Variants in GLYATL2 observed in about 807,000 individuals in gnomAD.
GLYATL2 encodes the protein glycine-N-acyltransferase like 2, also known as glycine N-acyltransferase-like protein 2.
In GLYATL2, 25 loss-of-function variants were observed where a neutral mutation model predicts 21.4. The observed-to-expected ratio is 1.17, with a 90% CI of 0.85 to 1.63. GLYATL2 has a LOEUF of 1.63. Ranked by LOEUF, GLYATL2 falls within the 40% of genes most tolerant of loss-of-function variation. GLYATL2 has a pLI of 0.00. For synonymous variants in GLYATL2, 114 were observed against 118.2 expected, an observed-to-expected ratio of 0.96 and a Z score of 0.23; for missense variants, 361 against 343.3, an observed-to-expected ratio of 1.05 and a Z score of -0.41.
chr11:58,871,060 A>G (rs1854109399), intron 1 of GLYATL2, among the ~76,000 whole-genome samples: 2 of 152,230 alleles, frequency 1.3e-5, no homozygotes, highest in South Asian at 4.1e-4. Context: ...TTTACCATCA[A>G]CTAAGTTGAG....
In GLYATL2 at chr11:58,863,140, G is replaced by A. The variant is rs1171671900; in HGVS notation, n.61-24772C>T. ...CACTGGGTGGATATTATGCATATGT[G>A]GGGATGAACATAAAACCAATGTCTA... On this transcript the variant is annotated intron_variant and non_coding_transcript_variant, in intron 1 of 4. Transcript: ENST00000533636. Among the ~76,000 whole-genome samples, 9 of 137,902 alleles carry A rather than the reference G, an allele frequency of 6.5e-5. No individual in the cohort carries two copies. In the Middle Eastern group the frequency reaches 0.024, roughly 362 times the overall value. 90.5% of individuals were successfully genotyped at this position (137,902 alleles called of 152,430 possible).
chr11:58,848,440 AAAGAAACTTAAGATAACACAGAG>A (rs1283494279), upstream of GLYATL2, among the ~76,000 whole-genome samples: 1 of 152,214 alleles, frequency 6.6e-6, no homozygotes, highest in Admixed American at 6.5e-5. Context: ...GAGGAAACTC[AAAGAAACTTAAGATAACACAGAG>A]AAGAAATGCA....
At chr11:58,848,866 C>A, upstream of GLYATL2, among the ~76,000 whole-genome samples, 1 of 152,048 alleles carries the variant, frequency 6.6e-6, no homozygotes, top group Non-Finnish European at 1.5e-5. Context: ...TTGTAGAACA[C>A]CAAGCAGATT....
intron 3 of GLYATL2, 29 bp from the exon 4 acceptor site, chr11:58,837,426 C>T: frequency 6.3e-7 from 1 of 1,597,778 alleles, no homozygotes; most frequent in South Asian, 1.1e-5. Context: ...ATTATATTTA[C>T]ATAGCGCTAC....
intron 1 of GLYATL2, among the ~76,000 whole-genome samples, chr11:58,893,667 G>A (rs1343743930): frequency 1.3e-5 from 2 of 152,156 alleles, no homozygotes; most frequent in Non-Finnish European, 2.9e-5. Context: ...AGGGGATATA[G>A]TCTTTGAATA....
At chr11:58,901,695 C>T (rs1214646107) in intron 1 of GLYATL2, among the ~76,000 whole-genome samples, 3 of 152,018 alleles carry the variant, frequency 2.0e-5, no homozygotes, top group African/African-American at 7.3e-5. Context: ...CCCAACTAGT[C>T]CTGTGACCTC....
Position 58,837,300 on chromosome 11 carries a change from A to G in GLYATL2, c.284T>C (p.Ile95Thr). 1.2e-6 allele frequency: 2 copies of G among 1,613,970 alleles called. No homozygotes were observed. The highest frequency in any genetic ancestry group is 1.7e-6 in the Non-Finnish European group (2 of 1,179,850). The change falls in exon 4 of 6, where the codon ATC becomes ACC. Residue 95 changes from isoleucine to threonine, a missense_variant. Coordinates refer to ENST00000287275, the MANE Select transcript of GLYATL2 (RefSeq NM_145016.4). ...LEEVLSYSNV[I>T]SWEQTLQIQG... ...GATCTGCAAAGTTTGCTCCCAGCTG[A>G]TTACATTGGAGTATGACAGGACTTC... is the stretch of plus-strand genomic sequence containing the variant.
intron 1 of GLYATL2, among the ~76,000 whole-genome samples, chr11:58,844,054 A>G (rs1853599420): frequency 6.6e-6 from 1 of 152,234 alleles, no homozygotes; most frequent in Non-Finnish European, 1.5e-5. Context: ...TTCTATGCAA[A>G]TAAACCACTA....
intron 1 of GLYATL2, among the ~76,000 whole-genome samples, chr11:58,871,935 T>C (rs1028279614): frequency 1.3e-5 from 2 of 152,214 alleles, no homozygotes; most frequent in Non-Finnish European, 2.9e-5. Flanking sequence ...CCACATCCTC[T>C]CCAGCACCTG....
chr11:58,901,150 A>G (rs1202960680), intron 1 of GLYATL2, among the ~76,000 whole-genome samples: 1 of 152,210 alleles, frequency 6.6e-6, no homozygotes, highest in Non-Finnish European at 1.5e-5. Context: ...CAAGTAAAAA[A>G]GCACCGCTGA....
chr11:58,905,357 G>A (rs888162924), upstream of GLYATL2: 16 of 421,268 alleles, frequency 3.8e-5, 1 homozygote, highest in African/African-American at 3.1e-4. Context: ...CATCATCAGG[G>A]TGGAGCTCTC....
In GLYATL2 at chr11:58,850,691, C is replaced by T. The variant is rs554803662; in HGVS notation, n.61-12323G>A. Among the ~76,000 whole-genome samples the T allele has an allele frequency of 1.3e-4, 20 of 151,808 alleles. No homozygotes were observed. In the South Asian group the frequency reaches 1.7e-3, roughly 13 times the overall value. On this transcript the variant is annotated intron_variant and non_coding_transcript_variant, in intron 1 of 4. Coordinates refer to the GLYATL2 transcript ENST00000533636. The stretch of plus-strand genomic sequence containing the variant: ...CCATTACCAAGTGGACATGGTCTAG[C>T]GGTAGCATCAGTGCCAAGGAAAAGC...
At chr11:58,862,058 AAC>A (rs1853941233) in intron 1 of GLYATL2, among the ~76,000 whole-genome samples, 1 of 2,524 alleles carries the variant, frequency 4.0e-4, no homozygotes, top group African/African-American at 4.2e-4. Flanking sequence ...CAAACAAACA[AAC>A]AAAAAAAAAC....
chr11:58,834,369 T>A lies in GLYATL2; in HGVS notation c.*60A>T. Reference sequence around the variant, plus strand: ...TTGTGCTAATGTAGATCACAATGCTTGTGTTTGAATTAATGTTTTTTTACT... The same window carrying A: ...TTGTGCTAATGTAGATCACAATGCTAGTGTTTGAATTAATGTTTTTTTACT... On this transcript the variant is annotated 3_prime_UTR_variant, in exon 6 of 6. Coordinates refer to ENST00000287275, the MANE Select transcript of GLYATL2 (RefSeq NM_145016.4). 1.5e-6 allele frequency: 2 copies of A among 1,360,994 alleles called. No homozygotes were observed. Among genetic ancestry groups the A allele is most frequent in the Non-Finnish European group, 2.0e-6 (2 of 994,436 alleles). The allele number at this position is 1,360,994 out of a possible 1,614,324, so 84.3% of individuals were successfully genotyped here.
At chr11:58,857,821 A>G (rs577816101) in intron 1 of GLYATL2, among the ~76,000 whole-genome samples, 38 of 147,314 alleles carry the variant, frequency 2.6e-4, no homozygotes, top group Non-Finnish European at 5.3e-4. Context: ...CATAACCAAG[A>G]TCCCTTTCTC....
intron 1 of GLYATL2, chr11:58,904,019 C>G (rs11229687): frequency 6.6e-6 from 1 of 152,074 alleles, no homozygotes; most frequent in Non-Finnish European, 1.5e-5. Flanking sequence ...TCTAGTTGCT[C>G]AAGTCAAAAG....
intron 1 of GLYATL2, among the ~76,000 whole-genome samples, chr11:58,886,942 T>TA (rs1408847197): frequency 6.6e-6 from 1 of 152,240 alleles, no homozygotes; most frequent in Non-Finnish European, 1.5e-5. Context: ...AGGCTGAGCC[T>TA]AACACCTTCC....
At chr11:58,840,486 A>G (rs1249285731) in intron 1 of GLYATL2, among the ~76,000 whole-genome samples, 1 of 152,134 alleles carries the variant, frequency 6.6e-6, no homozygotes, top group Non-Finnish European at 1.5e-5. Context: ...GTGTTTAATG[A>G]CATAGGAAAA....
intron 1 of GLYATL2, chr11:58,893,352 G>T (rs1018776789): frequency 6.2e-5 from 13 of 210,482 alleles, no homozygotes; most frequent in Non-Finnish European, 1.2e-4. Context: ...TCTCTGTGCT[G>T]GAGGTAAATA....
Sources: gnomAD v4.1 joint callset for allele counts (sites outside exome capture counted in the v4.1 genomes callset) on GRCh38, gnomAD v4.1.1 for gene constraint, MANE v1.5 for transcripts, NCBI Gene and HGNC (gene_info 2026-07-23, HGNC 2026-07-21) for gene names.